RORA: variants seen among roughly 807,000 people sequenced by gnomAD.
RORA encodes nuclear receptor ROR-alpha.
A neutral mutation model predicts 69.5 loss-of-function variants in RORA; 7 were observed. The observed-to-expected ratio is 0.10, with a 90% confidence interval of 0.06 to 0.19. The LOEUF is 0.19. Ranked by LOEUF, RORA falls within the 10% of genes least tolerant of loss-of-function variation. RORA has a pLI of 1.00. For missense variants in RORA, 457 were observed against 663.0 expected (o/e 0.69, Z 3.41); for synonymous variants, 261 against 240.8 (o/e 1.08, Z -0.78).
intron 1 of RORA, among the ~76,000 whole-genome samples, chr15:61,080,072 C>T (rs2078516637): frequency 6.6e-6 from 1 of 152,166 alleles, no homozygotes; most frequent in African/African-American, 2.4e-5. Flanking sequence ...CAGAAGAGAG[C>T]TGGTTCATGG....
At chr15:60,605,116 C>T (rs533077554) in intron 2 of RORA, among the ~76,000 whole-genome samples, 3 of 152,176 alleles carry the variant, frequency 2.0e-5, no homozygotes, top group Admixed American at 2.0e-4. Flanking sequence ...AGAAGTGGAT[C>T]TTTTGTTATT....
intron 2 of RORA, among the ~76,000 whole-genome samples, chr15:60,617,616 T>C (rs948315576): frequency 1.8e-5 from 2 of 110,694 alleles, no homozygotes. Context: ...GAAGAAAGAG[T>C]AAAGAAAAAA....
chr15:60,939,655 G>A (rs962703543), intron 1 of RORA, among the ~76,000 whole-genome samples: 8 of 152,164 alleles, frequency 5.3e-5, no homozygotes, highest in East Asian at 1.9e-4. Flanking sequence ...TTTGTTCCCC[G>A]CTCATTATGG....
chr15:60,719,232 A>G (rs2071262521), intron 1 of RORA, among the ~76,000 whole-genome samples: 2 of 152,104 alleles, frequency 1.3e-5, no homozygotes, highest in South Asian at 4.1e-4. Flanking sequence ...AAAAATATAT[A>G]CAGTGAAGTA....
chr15:60,778,167 A>T (rs1382605523), intron 1 of RORA, among the ~76,000 whole-genome samples: 1 of 152,174 alleles, frequency 6.6e-6, no homozygotes, highest in Non-Finnish European at 1.5e-5. Flanking sequence ...CTGAGGGATC[A>T]ATGTGCTTCA....
At chr15:61,083,731 G>T (rs1169348341) in intron 1 of RORA, among the ~76,000 whole-genome samples, 1 of 151,808 alleles carries the variant, frequency 6.6e-6, no homozygotes, top group Non-Finnish European at 1.5e-5. Flanking sequence ...TCTCCCTTAC[G>T]GAAAATTGCT....
intron 1 of RORA, among the ~76,000 whole-genome samples, chr15:60,943,392 T>C (rs1892759972): frequency 6.6e-6 from 1 of 152,118 alleles, no homozygotes; most frequent in Non-Finnish European, 1.5e-5. Context: ...GTAGTCACTC[T>C]TCTGAGGCAC....
chr15:61,154,933 T>C (rs995142656), intron 1 of RORA, among the ~76,000 whole-genome samples: 4 of 152,186 alleles, frequency 2.6e-5, no homozygotes, highest in African/African-American at 9.7e-5. Flanking sequence ...GGAGTATTTC[T>C]TTGGGCACAG....
chr15:60,859,651 C>T (rs949972784), intron 1 of RORA, among the ~76,000 whole-genome samples: 20 of 96,454 alleles, frequency 2.1e-4, no homozygotes, highest in East Asian at 6.8e-4. Flanking sequence ...TTCTTTCTTT[C>T]TTTCTTTTTT....
Position 61,209,988 on chromosome 15 carries a change from T to C in RORA, c.166+19065A>G, listed in dbSNP as rs538443567. On this transcript the variant is annotated intron_variant, in intron 1 of 10. Transcript: ENST00000335670. ...ACTTCCCCGCCACAGAACCAGTCCC[T>C]AACTTTCTAAAATGTACTTCAGCCT... Among the ~76,000 whole-genome samples the C allele has an allele frequency of 5.9e-5, 9 of 152,348 alleles. No individual in the cohort carries two copies. In the South Asian group the frequency reaches 8.3e-4, roughly 14 times the overall value.
chr15:60,737,316 T>C (rs541538787), intron 1 of RORA, among the ~76,000 whole-genome samples: 8 of 152,290 alleles, frequency 5.3e-5, no homozygotes, highest in Admixed American at 3.3e-4. Flanking sequence ...AGGCAGACAA[T>C]TCCTATGTCT....
chr15:60,649,571 G>A (rs1438050634), intron 2 of RORA, among the ~76,000 whole-genome samples: 1 of 152,184 alleles, frequency 6.6e-6, no homozygotes, highest in Non-Finnish European at 1.5e-5. Flanking sequence ...TAGTTTAACG[G>A]TGTTGAAACA....
rs541534102 is a variant in RORA at position 61,008,664 on chromosome 15, A to G, written c.166+220389T>C. On this transcript the variant is annotated intron_variant, in intron 1 of 10. Transcript: ENST00000335670. ...GGAAAAAAATGCGCATGTAGATGGA[A>G]TTCTTTTCCTTTGTACACATTTGAC... Among the ~76,000 whole-genome samples the G allele has an allele frequency of 1.8e-3, 275 of 152,272 alleles. 2 individuals are homozygous for G. Among genetic ancestry groups the G allele is most frequent in the Non-Finnish European group, 2.9e-3 (194 of 68,010 alleles).
At chr15:60,589,233 A>T (rs2068426138) in intron 2 of RORA, among the ~76,000 whole-genome samples, 2 of 152,202 alleles carry the variant, frequency 1.3e-5, no homozygotes, top group African/African-American at 4.8e-5. Context: ...AGTTCTTCAA[A>T]ACTACAGAAT....
chr15:61,111,484 G>A (rs1404562869), intron 1 of RORA, among the ~76,000 whole-genome samples: 1 of 152,112 alleles, frequency 6.6e-6, no homozygotes, highest in South Asian at 2.1e-4. Flanking sequence ...AATTCAATAC[G>A]GCTCTTGAGT....
chr15:60,912,179 T>G, intron 1 of RORA, among the ~76,000 whole-genome samples: 1 of 151,008 alleles, frequency 6.6e-6, no homozygotes, highest in East Asian at 2.0e-4. Context: ...GGGCGACCCA[T>G]GTGGGAGGAT....
At chr15:60,684,906 A>G (rs1479740631) in intron 1 of RORA, among the ~76,000 whole-genome samples, 3 of 69,034 alleles carry the variant, frequency 4.3e-5, no homozygotes, top group African/African-American at 1.4e-4. Context: ...TATTTAAGCT[A>G]TGAGCGCTTG....
At chr15:60,636,999 T>C (rs962720603) in intron 2 of RORA, among the ~76,000 whole-genome samples, 5 of 152,114 alleles carry the variant, frequency 3.3e-5, no homozygotes, top group African/African-American at 1.2e-4. Flanking sequence ...ATTCAGAGTG[T>C]TTAGAATTTT....
At chr15:60,953,769 G>T (rs1480377201) in intron 1 of RORA, among the ~76,000 whole-genome samples, 1 of 151,760 alleles carries the variant, frequency 6.6e-6, no homozygotes, top group Non-Finnish European at 1.5e-5. Flanking sequence ...TTAGAATGGC[G>T]ATCATTAAAA....
Sources: allele counts gnomAD v4.1 joint callset (sites outside exome capture counted in the v4.1 genomes callset), GRCh38; gene constraint gnomAD v4.1.1; transcripts MANE v1.5; gene names NCBI Gene and HGNC (gene_info 2026-07-23, HGNC 2026-07-21).